TIAM2: variants seen among roughly 807,000 people sequenced by gnomAD.
TIAM2 encodes the protein TIAM Rac1 associated GEF 2, also known as rho guanine nucleotide exchange factor TIAM2.
In TIAM2, 80 loss-of-function variants were observed where a neutral mutation model predicts 152.9. The ratio of observed to expected loss-of-function variants is 0.52; its 90% CI spans 0.44 to 0.63. The LOEUF (loss-of-function observed/expected upper bound fraction) is 0.63. Among genes scored for constraint, TIAM2 ranks in the 30% least tolerant of loss-of-function variants. TIAM2 has a pLI of 0.00. For missense variants in TIAM2, 1,965 were observed against 2,120.1 expected, an observed-to-expected ratio of 0.93 and a Z score of 1.44; for synonymous variants, 804 against 838.0, an observed-to-expected ratio of 0.96 and a Z score of 0.70.
At position 155,067,985 on chromosome 6, in the gene TIAM2, A is replaced by G. The variant is rs1368671746; in HGVS notation, c.-208-22304A>G. Among the ~76,000 whole-genome samples, 4 of 152,066 alleles carry G rather than the reference A, an allele frequency of 2.6e-5. No homozygotes were observed. In the East Asian group the frequency reaches 7.7e-4, roughly 29 times the overall value. ...TTACGTTTTTCTTTTCCACCCAACC[A>G]CACGTACAAGTGTTGCTATTTTTAT... is the stretch of plus-strand genomic sequence containing the variant. On this transcript the variant is annotated intron_variant, in intron 1 of 26. Coordinates refer to ENST00000682666, the MANE Select transcript of TIAM2 (RefSeq NM_012454.4).
At chr6:155,033,085 C>T (rs998687505) in intron 1 of TIAM2, among the ~76,000 whole-genome samples, 7 of 152,138 alleles carry the variant, frequency 4.6e-5, no homozygotes, top group African/African-American at 1.7e-4. Context: ...TCTAGATTTT[C>T]CTTGTTCCCG....
At chr6:155,252,859 G>A (rs1371514668) in intron 23 of TIAM2, 89 bp from the exon 24 acceptor site, 1 of 1,221,942 alleles carries the variant, frequency 8.2e-7, no homozygotes, top group Non-Finnish European at 1.2e-6. Context: ...TCGCCCACAG[G>A]GAGAACATAA....
intron 1 of TIAM2, among the ~76,000 whole-genome samples, chr6:155,060,605 C>T (rs1274920843): frequency 6.6e-6 from 1 of 151,864 alleles, no homozygotes; most frequent in African/African-American, 2.4e-5. Context: ...ATTGAAAGCC[C>T]TTTTGGGGAG....
At chr6:155,025,821 AACAC>A (rs58173623) in intron 1 of TIAM2, among the ~76,000 whole-genome samples, 20,726 of 131,260 alleles carry the variant, frequency 0.16, 1,683 homozygotes, top group Admixed American at 0.26. Context: ...CTCCCCCTCA[AACAC>A]ACACACACAC....
In TIAM2 at chr6:155,104,043, C is replaced by A. The variant is rs1384466591; in HGVS notation, c.-118+13664C>A. Among the ~76,000 whole-genome samples, 46 of 90,896 alleles carry A rather than the reference C, an allele frequency of 5.1e-4. 3 individuals carry two copies. In the South Asian group the frequency reaches 0.012, roughly 24 times the overall value. The allele number at this position is 90,896 out of a possible 152,430, so 59.6% of individuals were successfully genotyped here. A position where few individuals can be genotyped will look rare whatever the true frequency, so the allele number is the denominator to read the frequency against. Reference sequence around the variant, plus strand: ...TGTATTTACCTCACACACACACACCCCCCCCCCCACACCCCCACACACCCC... The same window carrying A: ...TGTATTTACCTCACACACACACACCACCCCCCCCACACCCCCACACACCCC... On this transcript the variant is annotated intron_variant, in intron 2 of 26. Transcript: ENST00000682666.
intron 7 of TIAM2, among the ~76,000 whole-genome samples, chr6:155,155,315 T>C (rs1780078820): frequency 6.6e-6 from 1 of 151,968 alleles, no homozygotes; most frequent in Admixed American, 6.6e-5. Flanking sequence ...CAGCTGCGAT[T>C]ACAGGCATGT....
At chr6:155,045,463 T>TA (rs397793510) in intron 1 of TIAM2, among the ~76,000 whole-genome samples, 2 of 152,110 alleles carry the variant, frequency 1.3e-5, no homozygotes, top group Admixed American at 6.5e-5. Flanking sequence ...GAATTTTTTT[T>TA]AAGTTGTCTT....
chr6:155,029,325 G>A lies in TIAM2; in HGVS notation c.-209+33833G>A, dbSNP rs1237914655. ...GTACTATGTGTTATATATACTATAT[G>A]TACTATGTGTTATATATAATATATA... On this transcript the variant is annotated intron_variant, in intron 1 of 26. Transcript: ENST00000682666. Among the ~76,000 whole-genome samples the A allele has an allele frequency of 6.3e-4, 62 of 98,144 alleles. 3 individuals are homozygous for A. Among genetic ancestry groups the A allele is most frequent in the African/African-American group, 2.1e-3 (58 of 27,588 alleles). The allele number at this position is 98,144 out of a possible 152,430, so 64.4% of individuals were successfully genotyped here.
chr6:155,026,825 A>G (rs1349761545), intron 1 of TIAM2, among the ~76,000 whole-genome samples: 2 of 152,208 alleles, frequency 1.3e-5, no homozygotes, highest in East Asian at 1.9e-4. Flanking sequence ...TGGCTTTTGT[A>G]TGTAGTTACG....
chr6:155,184,263 A>G (rs980756768), intron 14 of TIAM2, among the ~76,000 whole-genome samples: 2 of 152,234 alleles, frequency 1.3e-5, no homozygotes, highest in South Asian at 2.1e-4. Flanking sequence ...TGCTGGGATT[A>G]CAGGCATGAG....
At chr6:155,067,926 A>G (rs1433997274) in intron 1 of TIAM2, among the ~76,000 whole-genome samples, 4 of 152,110 alleles carry the variant, frequency 2.6e-5, no homozygotes, top group East Asian at 1.9e-4. Flanking sequence ...ACAGGCGTGC[A>G]TGACCAAGCC....
At chr6:155,227,563 C>T (rs572754466) in intron 15 of TIAM2, among the ~76,000 whole-genome samples, 13 of 152,150 alleles carry the variant, frequency 8.5e-5, no homozygotes, top group African/African-American at 2.7e-4. Context: ...TATGGCACTG[C>T]GTGTAGAAGA....
chr6:155,075,906 A>C (rs1344724945), intron 1 of TIAM2, among the ~76,000 whole-genome samples: 2 of 152,196 alleles, frequency 1.3e-5, no homozygotes, highest in Non-Finnish European at 2.9e-5. Flanking sequence ...TCTTACACTT[A>C]TTCATATGAC....
intron 16 of TIAM2, among the ~76,000 whole-genome samples, chr6:155,240,959 C>A (rs568153989): frequency 6.6e-5 from 10 of 152,246 alleles, no homozygotes; most frequent in Non-Finnish European, 1.5e-4. Context: ...ACTATGGAAA[C>A]AGATGTTCTG....
At chr6:155,027,389 CATATATACT>C (rs1776629165) in intron 1 of TIAM2, among the ~76,000 whole-genome samples, 1 of 128,582 alleles carries the variant, frequency 7.8e-6, no homozygotes, top group Non-Finnish European at 1.6e-5. Flanking sequence ...TACTGTGTTA[CATATATACT>C]ATATATAATA....
intron 14 of TIAM2, among the ~76,000 whole-genome samples, chr6:155,203,122 C>T (rs1355699924): frequency 1.4e-5 from 2 of 147,772 alleles, no homozygotes; most frequent in Non-Finnish European, 3.0e-5. Context: ...GCTGTTTGTA[C>T]TGTGAGAACT....
At chr6:155,089,905 CT>C (rs1562312520) in intron 1 of TIAM2, among the ~76,000 whole-genome samples, 1 of 152,094 alleles carries the variant, frequency 6.6e-6, no homozygotes, top group Non-Finnish European at 1.5e-5. Context: ...AGTAGGCTTG[CT>C]CTGTCTGTCA....
chr6:155,136,194 C>CA (rs1232689972), intron 4 of TIAM2, among the ~76,000 whole-genome samples: 1,272 of 59,680 alleles, frequency 0.021, 6 homozygotes, highest in East Asian at 0.038. Flanking sequence ...AACTCCATCT[C>CA]AAAAAAAAAA....
intron 15 of TIAM2, among the ~76,000 whole-genome samples, chr6:155,237,573 G>A (rs932257137): frequency 6.6e-6 from 1 of 152,248 alleles, no homozygotes; most frequent in African/African-American, 2.4e-5. Flanking sequence ...GCAAACTTCT[G>A]CCTGGACATC....
Sources: allele counts gnomAD v4.1 joint callset (sites outside exome capture counted in the v4.1 genomes callset), GRCh38; gene constraint gnomAD v4.1.1; transcripts MANE v1.5; gene names NCBI Gene and HGNC (gene_info 2026-07-23, HGNC 2026-07-21).